The following CREB5 variants were observed in gnomAD, a reference collection of about 807,000 sequenced individuals.
CREB5 encodes the protein cyclic AMP-responsive element-binding protein 5.
CREB5 carries 19 observed loss-of-function variants against 57.1 expected under a neutral mutation model. That is an observed-to-expected ratio of 0.33 (90% CI 0.23 to 0.49). The LOEUF is 0.49. CREB5 is among the 20% of genes least tolerant of loss of function. The pLI is 0.99. For synonymous variants in CREB5, 238 were observed against 238.3 expected, an observed-to-expected ratio of 1.00 and a Z score of 0.01; for missense variants, 579 against 671.6, an observed-to-expected ratio of 0.86 and a Z score of 1.52.
intron 1 of CREB5, among the ~76,000 whole-genome samples, chr7:28,347,465 A>G (rs571373150): frequency 1.3e-5 from 2 of 152,346 alleles, no homozygotes; most frequent in African/African-American, 4.8e-5. Flanking sequence ...CCTTTAAAAA[A>G]TGAAGTGAGT....
intron 5 of CREB5, among the ~76,000 whole-genome samples, chr7:28,627,743 C>G (rs1798055125): frequency 6.6e-6 from 1 of 152,146 alleles, no homozygotes; most frequent in Non-Finnish European, 1.5e-5. Flanking sequence ...TGGACCTCCT[C>G]TGGCCATATC....
chr7:28,492,587 T>C (rs1562754239), intron 2 of CREB5, among the ~76,000 whole-genome samples: 1 of 152,118 alleles, frequency 6.6e-6, no homozygotes. Flanking sequence ...TGTGGTATTA[T>C]GGAAATAATT....
At chr7:28,453,302 G>A (rs1308723049) in intron 1 of CREB5, among the ~76,000 whole-genome samples, 1 of 152,100 alleles carries the variant, frequency 6.6e-6, no homozygotes, top group Non-Finnish European at 1.5e-5. Flanking sequence ...AGCTGGGCAT[G>A]GTGGCACACG....
chr7:28,559,407 C>A (rs532213539), intron 4 of CREB5, among the ~76,000 whole-genome samples: 50 of 152,298 alleles, frequency 3.3e-4, no homozygotes, highest in African/African-American at 1.1e-3. Context: ...CTCTGCCTCC[C>A]AGGTTTAAGC....
intron 7 of CREB5, among the ~76,000 whole-genome samples, chr7:28,738,235 T>C (rs913434625): frequency 4.6e-5 from 7 of 152,194 alleles, no homozygotes; most frequent in Non-Finnish European, 1.0e-4. Flanking sequence ...TAAAATGACA[T>C]GAATCATGCC....
intron 7 of CREB5, among the ~76,000 whole-genome samples, chr7:28,732,736 T>TTTTC (rs59840774): frequency 2.6e-5 from 4 of 151,276 alleles, no homozygotes; most frequent in Admixed American, 1.3e-4. Flanking sequence ...TTTTTTTTTT[T>TTTTC]GTGGGAAGCA....
chr7:28,554,608 C>A (rs1275317342), intron 4 of CREB5, among the ~76,000 whole-genome samples: 1 of 152,300 alleles, frequency 6.6e-6, no homozygotes, highest in South Asian at 2.1e-4. Context: ...ACAATCAAAT[C>A]TTGCATATTA....
chr7:28,677,910 A>G (rs1161380581), intron 5 of CREB5, among the ~76,000 whole-genome samples: 8 of 150,042 alleles, frequency 5.3e-5, no homozygotes, highest in Non-Finnish European at 7.4e-5. Flanking sequence ...GAAAGAGAGA[A>G]AGAGAGAGAG....
At chr7:28,609,510 A>C (rs1476862986) in intron 5 of CREB5, among the ~76,000 whole-genome samples, 1 of 152,264 alleles carries the variant, frequency 6.6e-6, no homozygotes, top group Non-Finnish European at 1.5e-5. Context: ...GTTTTAAAAT[A>C]GAACAATCCT....
chr7:28,724,114 T>G lies in CREB5; in HGVS notation c.592-108T>G, dbSNP rs1307037214. On this transcript the variant is annotated intron_variant, in intron 6 of 10. Coordinates refer to ENST00000357727, the MANE Select transcript of CREB5 (RefSeq NM_182898.4). ...CACCAAACCATAGGCCTTCTCAGGA[T>G]TTCTTCAAAGAAATACTAAACGATC... is the stretch of plus-strand genomic sequence containing the variant. 8.6e-6 allele frequency: 8 copies of G among 930,648 alleles called. No individual in the cohort carries two copies. In the South Asian group the frequency reaches 1.4e-4, roughly 16 times the overall value. The allele number at this position is 930,648 out of a possible 1,614,324, so 57.6% of individuals were successfully genotyped here.
chr7:28,611,845 A>G (rs986626211), intron 5 of CREB5, among the ~76,000 whole-genome samples: 2 of 152,076 alleles, frequency 1.3e-5, no homozygotes, highest in Non-Finnish European at 2.9e-5. Flanking sequence ...GCATTTGCCA[A>G]ATCTCATAGA....
intron 1 of CREB5, among the ~76,000 whole-genome samples, chr7:28,314,064 T>C (rs1469170844): frequency 1.3e-5 from 2 of 152,220 alleles, no homozygotes; most frequent in African/African-American, 2.4e-5. Flanking sequence ...ATTTTTCTAG[T>C]GGAGCTTTGG....
intron 7 of CREB5, among the ~76,000 whole-genome samples, chr7:28,781,626 G>A (rs1273131560): frequency 6.6e-6 from 1 of 152,170 alleles, no homozygotes; most frequent in African/African-American, 2.4e-5. Flanking sequence ...CTCCATGCTA[G>A]ACAAGAATAT....
chr7:28,299,896 C>T (rs1785070232), intron 1 of CREB5, among the ~76,000 whole-genome samples: 2 of 152,130 alleles, frequency 1.3e-5, no homozygotes, highest in Non-Finnish European at 2.9e-5. Context: ...ATTGAATCTA[C>T]ATGTTGCGTA....
intron 4 of CREB5, among the ~76,000 whole-genome samples, chr7:28,530,773 T>C (rs150609): frequency 0.86 from 130,947 of 152,160 alleles, 56,659 homozygotes; most frequent in African/African-American, 0.94. Context: ...AAACAAGCAG[T>C]GCTGGAACTC....
intron 1 of CREB5, among the ~76,000 whole-genome samples, chr7:28,389,633 T>A (rs1417159731): frequency 7.2e-5 from 2 of 27,874 alleles, no homozygotes; most frequent in Non-Finnish European, 1.6e-4. Flanking sequence ...TATACTAAAC[T>A]TTTTTTTTTT....
In CREB5 at chr7:28,560,874, G is replaced by GCA. The variant is rs1583629385; in HGVS notation, c.292-9490_292-9489insAC. On this transcript the variant is annotated intron_variant, in intron 4 of 10. Transcript: ENST00000357727. ...TGTGTGTGTGCGTGTGCCTGCGTGCGCGTGCGTGCGTGCGTGTGTGTGCGT... is the reference window on the plus strand; with the variant it reads ...TGTGTGTGTGCGTGTGCCTGCGTGCGCACGTGCGTGCGTGCGTGTGTGTGCGT... Among the ~76,000 whole-genome samples, 2 of 36,452 alleles carry GCA rather than the reference G, an allele frequency of 5.5e-5. 1 individual carries two copies. The highest frequency in any genetic ancestry group is 5.2e-3 in the East Asian group (2 of 386). 23.9% of individuals were successfully genotyped at this position (36,452 alleles called of 152,430 possible).
At chr7:28,740,127 A>G (rs1804250689) in intron 7 of CREB5, among the ~76,000 whole-genome samples, 1 of 152,200 alleles carries the variant, frequency 6.6e-6, no homozygotes, top group South Asian at 2.1e-4. Context: ...TGGAAACTGG[A>G]GACATGTGAA....
Position 28,589,571 on chromosome 7 carries a change from G to C in CREB5, c.464+19034G>C, listed in dbSNP as rs1012306031. On this transcript the variant is annotated intron_variant, in intron 5 of 10. Coordinates refer to ENST00000357727, the MANE Select transcript of CREB5 (RefSeq NM_182898.4). ...TCTGTCTCAAAAACAAAAACAAAAA[G>C]AAAAAGAAAACAGAGTTGATATTTC... 1.2e-4 allele frequency among the ~76,000 whole-genome samples: 18 copies of C among 152,064 alleles called. 1 individual carries two copies. The highest frequency in any genetic ancestry group is 1.0e-3 in the Admixed American group (16 of 15,262).
Sources: gnomAD v4.1 joint callset for allele counts (sites outside exome capture counted in the v4.1 genomes callset) on GRCh38, gnomAD v4.1.1 for gene constraint, MANE v1.5 for transcripts, NCBI Gene and HGNC (gene_info 2026-07-23, HGNC 2026-07-21) for gene names.